The following KHDRBS2 variants were observed in gnomAD, a reference collection of about 807,000 sequenced individuals.
KHDRBS2 encodes KH domain-containing, RNA-binding, signal transduction-associated protein 2.
KHDRBS2 carries 26 observed loss-of-function variants against 44.3 expected under a neutral mutation model. That is an observed-to-expected ratio of 0.59 (90% CI 0.43 to 0.81). KHDRBS2 has a LOEUF of 0.81. Among genes scored for constraint, KHDRBS2 ranks in the 40% least tolerant of loss-of-function variants. The pLI, the probability that KHDRBS2 is intolerant of heterozygous loss-of-function variation, is 0.00. For missense variants in KHDRBS2, 476 were observed against 433.1 expected (o/e 1.10, Z -0.88); for synonymous variants, 194 against 151.1 (o/e 1.28, Z -2.08).
chr6:61,954,962 A>G (rs1438447389), intron 4 of KHDRBS2, among the ~76,000 whole-genome samples: 2 of 140,354 alleles, frequency 1.4e-5, no homozygotes, highest in South Asian at 4.7e-4. Flanking sequence ...ATATATGTAT[A>G]TATACGCATA....
chr6:61,956,131 C>A (rs1204103314), intron 4 of KHDRBS2, among the ~76,000 whole-genome samples: 17 of 151,836 alleles, frequency 1.1e-4, no homozygotes, highest in Non-Finnish European at 2.2e-4. Flanking sequence ...GAGGCACAGG[C>A]TGCAGTGAGC....
chr6:61,706,954 AAAAAC>A (rs1285296774), intron 7 of KHDRBS2, among the ~76,000 whole-genome samples: 11 of 146,596 alleles, frequency 7.5e-5, no homozygotes, highest in South Asian at 4.3e-4. Flanking sequence ...AAACAAAAAC[AAAAAC>A]AAAACAGTTA....
intron 3 of KHDRBS2, among the ~76,000 whole-genome samples, chr6:62,024,431 T>A (rs529003429): frequency 6.6e-6 from 1 of 151,604 alleles, no homozygotes; most frequent in Admixed American, 6.6e-5. Context: ...CACTACAAAA[T>A]TTTCTTTAAA....
At chr6:61,597,663 T>C in the KHDRBS2 span, among the ~76,000 whole-genome samples, 1 of 143,152 alleles carries the variant, frequency 7.0e-6, no homozygotes, top group South Asian at 2.2e-4. Context: ...AATGAAAGAA[T>C]GAGTCCTAGA....
chr6:62,017,331 A>G (rs1200070681), intron 3 of KHDRBS2, among the ~76,000 whole-genome samples: 1 of 152,146 alleles, frequency 6.6e-6, no homozygotes, highest in Non-Finnish European at 1.5e-5. Context: ...AAATCCTATA[A>G]GAGGAGTAAT....
intron 7 of KHDRBS2, among the ~76,000 whole-genome samples, chr6:61,700,994 A>G (rs954547878): frequency 1.3e-5 from 2 of 151,922 alleles, no homozygotes; most frequent in Non-Finnish European, 2.9e-5. Flanking sequence ...AACTATGTAG[A>G]AATGTGGAAT....
At chr6:61,915,015 A>T (rs191313099) in intron 4 of KHDRBS2, among the ~76,000 whole-genome samples, 6 of 152,184 alleles carry the variant, frequency 3.9e-5, no homozygotes, top group Non-Finnish European at 8.8e-5. Context: ...AATAATAATA[A>T]TCCAATCCAA....
the KHDRBS2 span, among the ~76,000 whole-genome samples, chr6:61,597,663 T>A: frequency 7.0e-6 from 1 of 143,152 alleles, no homozygotes; most frequent in Non-Finnish European, 1.5e-5. Flanking sequence ...AATGAAAGAA[T>A]GAGTCCTAGA....
At chr6:61,727,979 T>C (rs1773846564) in intron 7 of KHDRBS2, among the ~76,000 whole-genome samples, 1 of 152,114 alleles carries the variant, frequency 6.6e-6, no homozygotes, top group Admixed American at 6.6e-5. Context: ...CACACATATG[T>C]TCACTGAAGC....
the KHDRBS2 span, among the ~76,000 whole-genome samples, chr6:61,554,319 G>A: frequency 6.6e-6 from 1 of 151,806 alleles, no homozygotes; most frequent in African/African-American, 2.4e-5. Flanking sequence ...GAAATTAGAA[G>A]AGCAACCCCT....
At chr6:61,580,653 A>G in the KHDRBS2 span, among the ~76,000 whole-genome samples, 1 of 151,966 alleles carries the variant, frequency 6.6e-6, no homozygotes, top group Non-Finnish European at 1.5e-5. Flanking sequence ...ACAACTCCAG[A>G]CACCAGACCA....
At chr6:61,916,965 A>ATTTTTTTTTTTTTTTTTTT (rs10700035) in intron 4 of KHDRBS2, among the ~76,000 whole-genome samples, 1 of 90,642 alleles carries the variant, frequency 1.1e-5, no homozygotes. Flanking sequence ...GGAACTCTGT[A>ATTTTTTTTTTTTTTTTTTT]TTTTTTTTTT....
At chr6:61,783,695 CTCT>C (rs1783373524) in intron 6 of KHDRBS2, among the ~76,000 whole-genome samples, 2 of 151,880 alleles carry the variant, frequency 1.3e-5, no homozygotes, top group African/African-American at 4.8e-5. Context: ...ACCCCACCAT[CTCT>C]TAAGAAAAAG....
intron 2 of KHDRBS2, among the ~76,000 whole-genome samples, chr6:62,139,236 A>G (rs188705447): frequency 8.9e-4 from 135 of 152,224 alleles, no homozygotes; most frequent in Non-Finnish European, 1.0e-3. Context: ...AAGAACTATT[A>G]ATTTGAGTTA....
At position 61,947,913 on chromosome 6, in the gene KHDRBS2, AAATAATAATAATAATAAT is replaced by A. The variant is rs56372678; in HGVS notation, c.483+30135_483+30152del. On this transcript the variant is annotated intron_variant, in intron 4 of 8. Transcript: ENST00000281156. ...ATGACAAAACCCCCACACACACACA[AAATAATAATAATAATAAT>A]AATAATAATAATAATAATAATAACA... Among the ~76,000 whole-genome samples, 1,084 of 143,222 alleles carry A rather than the reference AAATAATAATAATAATAAT, an allele frequency of 7.6e-3. 9 individuals carry two copies. Among genetic ancestry groups the A allele is most frequent in the Non-Finnish European group, 0.013 (877 of 66,350 alleles). The allele number at this position is 143,222 out of a possible 152,430, so 94.0% of individuals were successfully genotyped here. A position where few individuals can be genotyped will look rare whatever the true frequency, so the allele number is the denominator to read the frequency against.
chr6:61,577,641 G>A, the KHDRBS2 span, among the ~76,000 whole-genome samples: 51 of 151,932 alleles, frequency 3.4e-4, no homozygotes, highest in South Asian at 6.3e-4. Context: ...TATACCATGT[G>A]GATTAACAAT....
chr6:61,749,496 T>C (rs903643475), intron 6 of KHDRBS2, among the ~76,000 whole-genome samples: 1 of 152,228 alleles, frequency 6.6e-6, no homozygotes, highest in East Asian at 1.9e-4. Context: ...TTATAAATGA[T>C]GTCAGTTTGA....
rs190364572 is a variant in KHDRBS2, at chr6:62,266,595, A to G, written c.91+19263T>C. Among the ~76,000 whole-genome samples the G allele has an allele frequency of 2.3e-4, 35 of 152,112 alleles. No homozygotes were observed. In the East Asian group the frequency reaches 5.8e-3, roughly 25 times the overall value. On this transcript the variant is annotated intron_variant, in intron 1 of 8. Coordinates refer to ENST00000281156, the MANE Select transcript of KHDRBS2 (RefSeq NM_152688.4). Reference sequence around the variant, plus strand: ...TTCCTCATTTCCTGAGATCACCTCAAAAATAAATTACCTGCATTTCAAATG... The same window carrying G: ...TTCCTCATTTCCTGAGATCACCTCAGAAATAAATTACCTGCATTTCAAATG...
intron 6 of KHDRBS2, among the ~76,000 whole-genome samples, chr6:61,851,138 A>G (rs1795343645): frequency 6.6e-6 from 1 of 152,090 alleles, no homozygotes; most frequent in Admixed American, 6.6e-5. Flanking sequence ...AACTATCCCC[A>G]AATAATTACA....
Sources: allele counts gnomAD v4.1 joint callset (sites outside exome capture counted in the v4.1 genomes callset), GRCh38; gene constraint gnomAD v4.1.1; transcripts MANE v1.5; gene names NCBI Gene and HGNC (gene_info 2026-07-23, HGNC 2026-07-21).